DMD: variants seen among roughly 807,000 people sequenced by gnomAD.
The protein encoded by DMD is mutant dystrophin.
DMD carries 63 observed loss-of-function variants against 330.1 expected under a neutral mutation model. The observed-to-expected ratio is 0.19, with a 90% CI of 0.16 to 0.24. The LOEUF (loss-of-function observed/expected upper bound fraction) is 0.24. Among genes scored for constraint, DMD ranks in the 10% least tolerant of loss-of-function variants. The probability of loss-of-function intolerance (pLI) is 1.00; values close to 1 mark genes in which losing one functional copy is unlikely to be tolerated. For missense variants in DMD, 3,344 were observed against 2,684.1 expected, an observed-to-expected ratio of 1.25 and a Z score of -5.43; for synonymous variants, 1,223 against 959.8, an observed-to-expected ratio of 1.27 and a Z score of -5.07.
intron 29 of DMD, among the ~76,000 whole-genome samples, chrX:32,425,077 A>T (rs778366103): frequency 6.3e-5 from 7 of 111,948 alleles, no homozygotes; most frequent in Non-Finnish European, 1.1e-4. Flanking sequence ...TCCATTGCGA[A>T]TAACTTCATT....
chrX:32,797,462 T>C (rs940044747), intron 7 of DMD, among the ~76,000 whole-genome samples: 1 of 112,652 alleles, frequency 8.9e-6, no homozygotes, highest in Non-Finnish European at 1.9e-5. Context: ...TTACCATCAT[T>C]AGAATGGTCA....
chrX:31,760,429 A>T (rs1003482226), intron 51 of DMD, among the ~76,000 whole-genome samples: 4 of 111,958 alleles, frequency 3.6e-5, no homozygotes, highest in African/African-American at 1.3e-4. Context: ...CAGTGGTCCT[A>T]TAAGATTATA....
At chrX:32,974,091 T>C (rs2092469065) in intron 2 of DMD, among the ~76,000 whole-genome samples, 1 of 111,833 alleles carries the variant, frequency 8.9e-6, no homozygotes, top group Non-Finnish European at 1.9e-5. Context: ...ATCCATACAA[T>C]GAAATTTTAT....
At chrX:32,518,566 T>G (rs1167312862) in intron 17 of DMD, among the ~76,000 whole-genome samples, 1 of 111,521 alleles carries the variant, frequency 9.0e-6, no homozygotes, top group Non-Finnish European at 1.9e-5. Flanking sequence ...TTTGGCCACG[T>G]GACTTTCTAT....
Position 31,173,534 on chromosome X carries a change from C to T in DMD, c.10328+5G>A. The T allele has an allele frequency of 8.3e-7, 1 of 1,208,637 alleles. No individual in the cohort carries two copies. The highest frequency in any genetic ancestry group is 1.8e-5 in the South Asian group (1 of 56,891). ...TATTTGCCTGGCATACAACTAGTCT[C>T]ATACCTGCTAGCATAATGTTCAATG... On this transcript the variant is annotated splice_donor_5th_base_variant and intron_variant, in intron 72 of 78. Coordinates refer to ENST00000357033, the MANE Select transcript of DMD (RefSeq NM_004006.3).
At chrX:31,240,378 T>A (rs944760679) in intron 63 of DMD, among the ~76,000 whole-genome samples, 1 of 112,193 alleles carries the variant, frequency 8.9e-6, no homozygotes, top group Non-Finnish European at 1.9e-5. Context: ...CTCTAGGAAG[T>A]AAAATTAGGG....
intron 29 of DMD, among the ~76,000 whole-genome samples, chrX:32,414,493 A>G (rs1264301301): frequency 1.8e-5 from 2 of 111,879 alleles, no homozygotes; most frequent in African/African-American, 6.5e-5. Context: ...TTAATCTCCC[A>G]TTAATGGTCT....
chrX:32,386,323 T>G lies in DMD; in HGVS notation c.4661A>C (p.Glu1554Ala). ...RVTALKLHYN[E>A]LGAKVTERKQ... is the part of the protein sequence containing the mutation. ...GCATGCACACACCTTTGCTCCCAGCTCATTATAATGCAATTTCAAAGCTGT... is the reference window on the plus strand; with the variant it reads ...GCATGCACACACCTTTGCTCCCAGCGCATTATAATGCAATTTCAAAGCTGT... The change falls in exon 33 of 79, where the codon GAG (glutamate) becomes GCG (alanine). Residue 1554 changes from glutamate (E) to alanine (A), a missense_variant. Glu to Ala is a moderately radical substitution (Grantham distance 107, BLOSUM62 -1). Transcript: ENST00000357033. The G allele has an allele frequency of 1.7e-6, 2 of 1,209,243 alleles. No individual in the cohort carries two copies. The highest frequency in any genetic ancestry group is 2.2e-6 in the Non-Finnish European group (2 of 893,762).
At chrX:32,030,206 C>T (rs2095873521) in intron 44 of DMD, among the ~76,000 whole-genome samples, 1 of 112,113 alleles carries the variant, frequency 8.9e-6, no homozygotes, top group Admixed American at 9.5e-5. Flanking sequence ...AACACTGATC[C>T]TCGCTTTCTC....
chrX:33,302,490 C>T (rs1409387858), intron 1 of DMD, among the ~76,000 whole-genome samples: 5 of 111,753 alleles, frequency 4.5e-5, no homozygotes, highest in African/African-American at 9.8e-5. Context: ...CTACTAATTC[C>T]GTGAGCATAT....
intron 49 of DMD, among the ~76,000 whole-genome samples, chrX:31,832,602 C>A (rs1479154671): frequency 8.9e-6 from 1 of 111,933 alleles, no homozygotes; most frequent in Non-Finnish European, 1.9e-5. Flanking sequence ...ACGCTTTGGC[C>A]AAATACAGAA....
chrX:33,054,300 T>G (rs1369339497), intron 1 of DMD, among the ~76,000 whole-genome samples: 1 of 112,199 alleles, frequency 8.9e-6, no homozygotes, highest in African/African-American at 3.2e-5. Context: ...TCTATACATA[T>G]ATATACATAC....
Position 33,211,519 on chromosome X carries a change from C to T in DMD, c.-207G>A. 9.3e-7 allele frequency: 1 copy of T among 1,075,381 alleles called. No homozygotes were observed. 88.6% of individuals were successfully genotyped at this position (1,075,381 alleles called of 1,213,427 possible). On this transcript the variant is annotated 5_prime_UTR_variant, in exon 1 of 79. Transcript: ENST00000357033. ...CCTGTAGGGGGAAAGTGAGTGATCC[C>T]AACACTGAGTGAGTCAACACAGTAA...
rs758334939 is a variant in DMD at position 31,783,618 on chromosome X, G to A, written c.7310-9426C>T. On this transcript the variant is annotated intron_variant, in intron 50 of 78. Coordinates refer to ENST00000357033, the MANE Select transcript of DMD (RefSeq NM_004006.3). Reference sequence around the variant, plus strand: ...TTTTCACAATTAGAATGAGGTGCAAGTTGCAATGTACTAAGCAGAGTCCTT... The same window carrying A: ...TTTTCACAATTAGAATGAGGTGCAAATTGCAATGTACTAAGCAGAGTCCTT... 9.9e-5 allele frequency among the ~76,000 whole-genome samples: 11 copies of A among 111,142 alleles called. No homozygotes were observed. The East Asian group carries it at 3.1e-3, about 31-fold the overall frequency.
chrX:32,372,598 C>T (rs989596667), intron 34 of DMD, among the ~76,000 whole-genome samples: 1 of 111,517 alleles, frequency 9.0e-6, no homozygotes, highest in African/African-American at 3.3e-5. Flanking sequence ...ATGGCTGCCT[C>T]GTGGCATTGC....
rs183725190 is a variant in DMD, at chrX:31,334,011, C to G, written c.9164-10353G>C. Among the ~76,000 whole-genome samples the G allele has an allele frequency of 5.8e-3, 639 of 111,079 alleles. 5 individuals are homozygous for G. The highest frequency in any genetic ancestry group is 0.02 in the African/African-American group (618 of 30,496). On this transcript the variant is annotated intron_variant, in intron 61 of 78. Coordinates refer to ENST00000357033, the MANE Select transcript of DMD (RefSeq NM_004006.3). ...GCAATGGCGCGATCTCGGCTCACTG[C>G]AACCTCCGCCTCCTGGGTTCAAGCA...
chrX:31,176,815 G>A (rs901767445), intron 71 of DMD, among the ~76,000 whole-genome samples: 7 of 110,947 alleles, frequency 6.3e-5, no homozygotes, highest in African/African-American at 2.3e-4. Flanking sequence ...ATTAAGGGGC[G>A]CAATAACGAA....
chrX:31,765,295 A>G (rs191026253), intron 51 of DMD, among the ~76,000 whole-genome samples: 44 of 111,970 alleles, frequency 3.9e-4, no homozygotes, highest in Admixed American at 1.4e-3. Flanking sequence ...TCTAATACAT[A>G]TATGATTGAA....
intron 60 of DMD, among the ~76,000 whole-genome samples, chrX:31,351,157 T>TACACACACACACACACACACACAC (rs776501693): frequency 1.3e-5 from 1 of 79,887 alleles, no homozygotes; most frequent in African/African-American, 5.2e-5. Context: ...GACATACATA[T>TACACACACACACACACACACACAC]ATACACACAC....
Sources: allele counts gnomAD v4.1 joint callset (sites outside exome capture counted in the v4.1 genomes callset), GRCh38; gene constraint gnomAD v4.1.1; transcripts MANE v1.5; gene names NCBI Gene and HGNC (gene_info 2026-07-23, HGNC 2026-07-21).